Variants in UBE2R2 observed in about 807,000 individuals in gnomAD.
The protein encoded by UBE2R2 is ubiquitin conjugating enzyme E2 R2, also known as ubiquitin-conjugating enzyme E2 R2.
A neutral mutation model predicts 27.8 loss-of-function variants in UBE2R2; 1 was observed. The ratio of observed to expected loss-of-function variants is 0.04; its 90% confidence interval spans 0.01 to 0.17. The LOEUF (loss-of-function observed/expected upper bound fraction) is 0.17, where lower values mean the gene tolerates loss of function less well. Ranked by LOEUF, UBE2R2 falls within the 10% of genes least tolerant of loss-of-function variation. The pLI is 1.00. For synonymous variants in UBE2R2, 106 were observed against 113.3 expected (o/e 0.94, Z 0.41); for missense variants, 100 against 291.0 (o/e 0.34, Z 4.78).
At chr9:33,858,683 G>C (rs1821159452) in intron 1 of UBE2R2, among the ~76,000 whole-genome samples, 1 of 152,026 alleles carries the variant, frequency 6.6e-6, no homozygotes, top group South Asian at 2.1e-4. Context: ...TGGGATTACA[G>C]GCATGAGTCA....
At chr9:33,865,432 G>A (rs1436336276) in intron 1 of UBE2R2, among the ~76,000 whole-genome samples, 1 of 150,728 alleles carries the variant, frequency 6.6e-6, no homozygotes, top group Non-Finnish European at 1.5e-5. Flanking sequence ...TCCTGACCTC[G>A]TGATCTGCCT....
Position 33,859,860 on chromosome 9 carries a change from G to T in UBE2R2, c.178-27021G>T, listed in dbSNP as rs1382135999. 3.3e-5 allele frequency among the ~76,000 whole-genome samples: 5 copies of T among 150,240 alleles called. No individual in the cohort carries two copies. The South Asian group carries it at 8.6e-4, about 26-fold the overall frequency. On this transcript the variant is annotated intron_variant, in intron 1 of 4. Coordinates refer to ENST00000263228, the MANE Select transcript of UBE2R2 (RefSeq NM_017811.4). ...TCTATGACCAGGCTGGAGTGCAGTG[G>T]CAGTGGTGCAATCAGGGCTCACTAC...
chr9:33,841,280 A>G (rs1820727797), intron 1 of UBE2R2, among the ~76,000 whole-genome samples: 1 of 152,044 alleles, frequency 6.6e-6, no homozygotes, highest in East Asian at 1.9e-4. Context: ...GAGTTTCACC[A>G]TGTTGGCCAG....
intron 4 of UBE2R2, among the ~76,000 whole-genome samples, chr9:33,916,420 G>A (rs1034490318): frequency 2.0e-5 from 3 of 152,298 alleles, no homozygotes; most frequent in East Asian, 3.9e-4. Flanking sequence ...AAATTAAGAG[G>A]ATAATTAAAT....
chr9:33,823,767 A>T (rs1820229527), intron 1 of UBE2R2, among the ~76,000 whole-genome samples: 1 of 152,240 alleles, frequency 6.6e-6, no homozygotes, highest in Admixed American at 6.5e-5. Flanking sequence ...AAATGGGTAC[A>T]CGTAAACTAA....
At chr9:33,820,631 AT>A (rs1825964945) in intron 1 of UBE2R2, among the ~76,000 whole-genome samples, 1 of 152,238 alleles carries the variant, frequency 6.6e-6, no homozygotes, top group South Asian at 2.1e-4. Flanking sequence ...TCCCTACCAT[AT>A]CACTCTTCTC....
intron 1 of UBE2R2, among the ~76,000 whole-genome samples, chr9:33,825,097 C>G (rs1252467525): frequency 6.6e-6 from 1 of 152,036 alleles, no homozygotes; most frequent in Non-Finnish European, 1.5e-5. Flanking sequence ...TAGGAAAAGT[C>G]ACTTCCTTAA....
chr9:33,859,429 T>TGA (rs1243414316), intron 1 of UBE2R2, among the ~76,000 whole-genome samples: 4 of 152,324 alleles, frequency 2.6e-5, no homozygotes, highest in African/African-American at 7.2e-5. Context: ...TTTAGATCCT[T>TGA]GAGAATATCC....
chr9:33,912,332 T>G (rs1009886010), intron 4 of UBE2R2, among the ~76,000 whole-genome samples: 1 of 151,880 alleles, frequency 6.6e-6, no homozygotes, highest in Non-Finnish European at 1.5e-5. Context: ...GAACCAGAAC[T>G]TCTAGGTTCT....
rs1822729324 is a variant in UBE2R2 at position 33,919,020 on chromosome 9, T to TC, written c.*1783_*1784insC. The TC allele has an allele frequency of 6.6e-6, 1 of 151,868 alleles. No homozygotes were observed. The highest frequency in any genetic ancestry group is 2.1e-4 in the South Asian group (1 of 4,822). 9.4% of individuals were successfully genotyped at this position (151,868 alleles called of 1,614,324 possible). On this transcript the variant is annotated 3_prime_UTR_variant, in exon 5 of 5. Coordinates refer to ENST00000263228, the MANE Select transcript of UBE2R2 (RefSeq NM_017811.4). Reference sequence around the variant, plus strand: ...TGGTCTGGTATGAAATGGGACTGTTTAACAAGCAAGGCTCTTAGGGGACAC... The same window carrying TC: ...TGGTCTGGTATGAAATGGGACTGTTTCAACAAGCAAGGCTCTTAGGGGACAC...
intron 4 of UBE2R2, 109 bp from the exon 5 acceptor site, chr9:33,916,909 G>T: frequency 6.8e-7 from 1 of 1,474,618 alleles, no homozygotes; most frequent in Non-Finnish European, 9.0e-7. Context: ...GGCAGGTACT[G>T]AAGTTTGGAG....
At chr9:33,901,825 GTTAC>G (rs1265549195) in intron 3 of UBE2R2, among the ~76,000 whole-genome samples, 2 of 150,350 alleles carry the variant, frequency 1.3e-5, no homozygotes, top group Middle Eastern at 3.2e-3. Flanking sequence ...GACAAAAAAT[GTTAC>G]TTTCTTTCTA....
chr9:33,821,696 A>ACCTCTG (rs1209819970), intron 1 of UBE2R2, among the ~76,000 whole-genome samples: 9 of 151,804 alleles, frequency 5.9e-5, no homozygotes, highest in Middle Eastern at 6.8e-3. Context: ...GCTCACTGCA[A>ACCTCTG]CCTCTGCCTC....
At chr9:33,907,597 G>C (rs899562083) in intron 3 of UBE2R2, among the ~76,000 whole-genome samples, 1 of 152,070 alleles carries the variant, frequency 6.6e-6, no homozygotes, top group Admixed American at 6.6e-5. Flanking sequence ...AGTAGAGAAG[G>C]GTGGTGCACC....
At chr9:33,869,177 G>T (rs1009872321) in intron 1 of UBE2R2, among the ~76,000 whole-genome samples, 2 of 152,098 alleles carry the variant, frequency 1.3e-5, no homozygotes, top group African/African-American at 4.8e-5. Flanking sequence ...GCTGAGGTAG[G>T]AGGATTGCTT....
At chr9:33,830,449 G>A (rs1160186587) in intron 1 of UBE2R2, among the ~76,000 whole-genome samples, 15 of 149,220 alleles carry the variant, frequency 1.0e-4, no homozygotes, top group African/African-American at 2.7e-4. Context: ...GAGCCACTGC[G>A]CCCGGCCTCA....
chr9:33,822,805 C>A (rs148584657), intron 1 of UBE2R2, among the ~76,000 whole-genome samples: 1 of 151,750 alleles, frequency 6.6e-6, no homozygotes, highest in African/African-American at 2.4e-5. Flanking sequence ...CTATTTTCTG[C>A]CTTCCCTCTT....
At chr9:33,862,238 T>C (rs1417507739) in intron 1 of UBE2R2, among the ~76,000 whole-genome samples, 3 of 152,198 alleles carry the variant, frequency 2.0e-5, no homozygotes, top group Admixed American at 6.5e-5. Context: ...GATTTCGATG[T>C]CTTCCTTATT....
At chr9:33,849,951 G>A (rs7037238) in intron 1 of UBE2R2, among the ~76,000 whole-genome samples, 2,316 of 152,212 alleles carry the variant, frequency 0.015, 52 homozygotes, top group African/African-American at 0.052. Flanking sequence ...GTTGTCCAAG[G>A]TTTCAGTGAT....
Sources: gnomAD v4.1 joint callset for allele counts (sites outside exome capture counted in the v4.1 genomes callset) on GRCh38, gnomAD v4.1.1 for gene constraint, MANE v1.5 for transcripts, NCBI Gene and HGNC (gene_info 2026-07-23, HGNC 2026-07-21) for gene names.